KALRN: variants seen among roughly 807,000 people sequenced by gnomAD.
KALRN encodes the protein kalirin RhoGEF kinase.
KALRN carries 70 observed loss-of-function variants against 353.7 expected under a neutral mutation model. That is an observed-to-expected ratio of 0.20 (90% confidence interval 0.16 to 0.24). KALRN has a LOEUF of 0.24. Ranked by LOEUF, KALRN falls within the 10% of genes least tolerant of loss-of-function variation. The pLI, the probability that KALRN is intolerant of heterozygous loss-of-function variation, is 1.00. For synonymous variants in KALRN, 1,391 were observed against 1,434.8 expected (o/e 0.97, Z 0.69); for missense variants, 2,791 against 3,756.7 (o/e 0.74, Z 6.72).
At chr3:124,420,062 C>G (rs1056278407) in intron 14 of KALRN, among the ~76,000 whole-genome samples, 1 of 152,170 alleles carries the variant, frequency 6.6e-6, no homozygotes, top group Non-Finnish European at 1.5e-5. Context: ...CATGTTCCTC[C>G]CATTTATTCC....
intron 34 of KALRN, chr3:124,584,604 C>G (rs1561341579): frequency 2.1e-6 from 3 of 1,395,512 alleles, no homozygotes; most frequent in African/African-American, 1.5e-5. Context: ...CCTTGGAACT[C>G]CGCCCCTTAG....
chr3:124,618,336 C>T (rs2078877848), intron 34 of KALRN, among the ~76,000 whole-genome samples: 1 of 151,020 alleles, frequency 6.6e-6, no homozygotes, highest in Admixed American at 6.6e-5. Context: ...AGGATGGTCT[C>T]GATCTCTTGA....
chr3:124,417,096 C>T (rs2092546240), intron 14 of KALRN, among the ~76,000 whole-genome samples: 1 of 152,170 alleles, frequency 6.6e-6, no homozygotes, highest in Non-Finnish European at 1.5e-5. Context: ...GGAGCAATTT[C>T]TTAATTTGCT....
chr3:124,159,392 C>T (rs1235686285), intron 1 of KALRN, among the ~76,000 whole-genome samples: 1 of 152,022 alleles, frequency 6.6e-6, no homozygotes, highest in Non-Finnish European at 1.5e-5. Flanking sequence ...TACCTCAGCC[C>T]CCCAAGTAGC....
chr3:124,221,185 A>G (rs2077867633), intron 1 of KALRN, among the ~76,000 whole-genome samples: 1 of 152,100 alleles, frequency 6.6e-6, no homozygotes, highest in Non-Finnish European at 1.5e-5. Flanking sequence ...CCCTTCATCC[A>G]TGACGTACAG....
At chr3:124,078,534 C>G (rs1226635507) in intron 1 of KALRN, among the ~76,000 whole-genome samples, 1 of 151,906 alleles carries the variant, frequency 6.6e-6, no homozygotes, top group African/African-American at 2.4e-5. Flanking sequence ...GGTGACAGGG[C>G]AGGTACAGGG....
intron 34 of KALRN, among the ~76,000 whole-genome samples, chr3:124,628,551 C>CT (rs2080359657): frequency 1.1e-5 from 1 of 90,814 alleles, no homozygotes. Context: ...CTTTCCTTTT[C>CT]TTTCTTTTCT....
At chr3:124,081,304 A>C (rs1337324367) in intron 1 of KALRN, among the ~76,000 whole-genome samples, 1 of 152,218 alleles carries the variant, frequency 6.6e-6, no homozygotes, top group Non-Finnish European at 1.5e-5. Context: ...AAAGATATCA[A>C]GAAAAAATAA....
chr3:124,718,122 A>ATTTT (rs35779082), intron 59 of KALRN, among the ~76,000 whole-genome samples: 1 of 126,978 alleles, frequency 7.9e-6, no homozygotes, highest in African/African-American at 3.0e-5. Flanking sequence ...CATTATGACT[A>ATTTT]TTTTTTTTTT....
chr3:124,625,323 A>G (rs1055272388), intron 34 of KALRN, among the ~76,000 whole-genome samples: 20 of 152,222 alleles, frequency 1.3e-4, no homozygotes, highest in Non-Finnish European at 4.4e-5. Context: ...GTGTGACCAC[A>G]GACAGCCAAG....
intron 1 of KALRN, among the ~76,000 whole-genome samples, chr3:124,065,346 A>G (rs2042268741): frequency 6.6e-6 from 1 of 152,140 alleles, no homozygotes. Flanking sequence ...TTGGGGATGA[A>G]GTTAGGGAAA....
At position 124,101,955 on chromosome 3, in the gene KALRN, C is replaced by T. The variant is rs970689965; in HGVS notation, c.73+68142C>T. Among the ~76,000 whole-genome samples the T allele has an allele frequency of 4.6e-5, 7 of 152,094 alleles. No individual in the cohort carries two copies. The East Asian group carries it at 1.3e-3, about 29-fold the overall frequency. On this transcript the variant is annotated intron_variant, in intron 1 of 59. Coordinates refer to ENST00000682506, the MANE Select transcript of KALRN (RefSeq NM_001388419.1). ...TGATGTGTGGGTTCTTTGTGCCAAC[C>T]TTTATGACTTGTTCCTTCTTTCTTA... is the stretch of plus-strand genomic sequence containing the variant.
chr3:124,457,405 T>C (rs983082654), intron 23 of KALRN, among the ~76,000 whole-genome samples: 3 of 152,188 alleles, frequency 2.0e-5, no homozygotes, highest in Non-Finnish European at 4.4e-5. Flanking sequence ...ATCAATAGTG[T>C]CACTAACCTT....
intron 1 of KALRN, among the ~76,000 whole-genome samples, chr3:124,214,089 T>C (rs2077114068): frequency 6.6e-6 from 1 of 152,102 alleles, no homozygotes; most frequent in African/African-American, 2.4e-5. Flanking sequence ...AGTTAAACAT[T>C]AACAAAATCT....
intron 1 of KALRN, among the ~76,000 whole-genome samples, chr3:124,076,469 C>T (rs993111219): frequency 1.3e-5 from 2 of 152,128 alleles, no homozygotes; most frequent in Non-Finnish European, 2.9e-5. Context: ...TGGTGTGGGG[C>T]GGTGGGCAGG....
chr3:124,713,050 C>G lies in KALRN; in HGVS notation c.8191C>G (p.Leu2731Val), dbSNP rs1369128965. ...AGAACAGGCTGCCCACGAGGCTGCC[C>G]TGCTTCAGCACCTACAGCACCCCCA... ...KKEQAAHEAALLQHLQHPQYI... is the reference protein window; with the variant it reads ...KKEQAAHEAAVLQHLQHPQYI... The change falls in exon 58 of 60, where the codon CTG becomes GTG. Residue 2731 changes from leucine to valine, a missense_variant. Physicochemically the swap from Leu to Val is conservative, Grantham distance 32. Around this residue, in one of 11 missense-constraint regions of KALRN, gnomAD observed 188 missense variants for 402.9 expected, o/e 0.47. Transcript: ENST00000682506. 1.9e-6 allele frequency: 3 copies of G among 1,614,042 alleles called. No individual in the cohort carries two copies. The highest frequency in any genetic ancestry group is 4.5e-5 in the East Asian group (2 of 44,898).
At chr3:124,705,824 CT>C (rs1168896505) in intron 57 of KALRN, among the ~76,000 whole-genome samples, 4 of 145,610 alleles carry the variant, frequency 2.7e-5, no homozygotes, top group Admixed American at 6.9e-5. Context: ...TCCTTCCTCC[CT>C]TCCTTCCTTC....
At chr3:124,457,476 C>A (rs905870987) in intron 23 of KALRN, among the ~76,000 whole-genome samples, 1 of 152,176 alleles carries the variant, frequency 6.6e-6, no homozygotes, top group African/African-American at 2.4e-5. Context: ...TGGTCCCTGC[C>A]CAATTCACCT....
rs550731318 is a variant in KALRN at position 124,507,485 on chromosome 3, G to A, written c.4935+11072G>A. ...CCCAAACAGAAAGTTCTGTTAACAC[G>A]GAAGAATGAAATTTAGGCAGAACAG... On this transcript the variant is annotated intron_variant, in intron 33 of 59. Coordinates refer to ENST00000682506, the MANE Select transcript of KALRN (RefSeq NM_001388419.1). Among the ~76,000 whole-genome samples, 7 of 152,198 alleles carry A rather than the reference G, an allele frequency of 4.6e-5. No individual in the cohort carries two copies. The East Asian group carries it at 7.7e-4, about 17-fold the overall frequency.
Sources: gnomAD v4.1 joint callset for allele counts (sites outside exome capture counted in the v4.1 genomes callset) on GRCh38, gnomAD v4.1.1 for gene constraint, gnomAD v4.1.1 regional missense constraint, MANE v1.5 for transcripts, NCBI Gene and HGNC (gene_info 2026-07-23, HGNC 2026-07-21) for gene names.